Variants in MORC1 observed in about 807,000 individuals in gnomAD.
The protein encoded by MORC1 is MORC family CW-type zinc finger 1, also known as MORC family CW-type zinc finger protein 1.
A neutral mutation model predicts 134.9 loss-of-function variants in MORC1; 59 were observed. The ratio of observed to expected loss-of-function variants is 0.44; its 90% confidence interval spans 0.35 to 0.54. The LOEUF (loss-of-function observed/expected upper bound fraction) is 0.54. Ranked by LOEUF, MORC1 falls within the 20% of genes least tolerant of loss-of-function variation. The probability of loss-of-function intolerance (pLI) is 0.00; values close to 1 mark genes in which losing one functional copy is unlikely to be tolerated. For synonymous variants in MORC1, 395 were observed against 391.7 expected (o/e 1.01, Z -0.10); for missense variants, 947 against 1,134.5 (o/e 0.83, Z 2.37).
At chr3:109,097,620 C>T (rs1234037749) in intron 6 of MORC1, among the ~76,000 whole-genome samples, 2 of 152,116 alleles carry the variant, frequency 1.3e-5, no homozygotes, top group African/African-American at 4.8e-5. Context: ...CAGGAGAAAG[C>T]CCTGAGCAGA....
intron 23 of MORC1, among the ~76,000 whole-genome samples, chr3:108,981,897 T>C (rs1312649087): frequency 1.3e-5 from 2 of 152,096 alleles, no homozygotes; most frequent in Middle Eastern, 3.2e-3. Flanking sequence ...AAATCCAAAA[T>C]AGACAAGTGG....
intron 14 of MORC1, among the ~76,000 whole-genome samples, chr3:109,047,012 A>G (rs979022724): frequency 2.6e-5 from 4 of 152,040 alleles, no homozygotes; most frequent in African/African-American, 7.2e-5. Flanking sequence ...ATTCCTTACC[A>G]TTGTGTTTAA....
At chr3:109,062,742 G>A (rs971029341) in intron 10 of MORC1, among the ~76,000 whole-genome samples, 1 of 151,966 alleles carries the variant, frequency 6.6e-6, no homozygotes, top group African/African-American at 2.4e-5. Flanking sequence ...ATGACAAGCA[G>A]GGTTTCTTAG....
chr3:109,090,640 A>C (rs1278571827), intron 8 of MORC1, among the ~76,000 whole-genome samples: 3 of 151,470 alleles, frequency 2.0e-5, no homozygotes, highest in Admixed American at 6.6e-5. Flanking sequence ...AAAAAAAAAA[A>C]AACACGATGT....
chr3:109,096,870 T>A (rs889237306), intron 6 of MORC1, among the ~76,000 whole-genome samples: 1 of 150,972 alleles, frequency 6.6e-6, no homozygotes, highest in Non-Finnish European at 1.5e-5. Context: ...TTAGAACAAC[T>A]CCCAGAAAAT....
chr3:109,016,505 A>T (rs1171701771), intron 17 of MORC1, among the ~76,000 whole-genome samples: 1 of 152,092 alleles, frequency 6.6e-6, no homozygotes, highest in Non-Finnish European at 1.5e-5. Flanking sequence ...TCCTGCCCTA[A>T]CTTAAACCCT....
intron 3 of MORC1, chr3:109,110,141 CAT>C (rs1476860268): frequency 6.6e-6 from 1 of 152,282 alleles, no homozygotes; most frequent in African/African-American, 2.4e-5. Flanking sequence ...GATCATGGAG[CAT>C]ATCCTCTCAC....
At chr3:109,110,607 A>G in intron 3 of MORC1, 142 bp downstream of exon 3, 1 of 681,314 alleles carries the variant, frequency 1.5e-6, no homozygotes, top group Non-Finnish European at 2.4e-6. Flanking sequence ...CTGGCTCCCC[A>G]CAGGGTCACT....
At chr3:109,059,948 C>T in intron 11 of MORC1, 78 bp from the exon 12 acceptor site, 1 of 1,218,426 alleles carries the variant, frequency 8.2e-7, no homozygotes, top group East Asian at 2.4e-5. Flanking sequence ...TCCTATTATC[C>T]AAATGTTTCA....
At chr3:108,978,610 G>A (rs1318837474) in intron 24 of MORC1, among the ~76,000 whole-genome samples, 1 of 152,088 alleles carries the variant, frequency 6.6e-6, no homozygotes, top group East Asian at 1.9e-4. Flanking sequence ...CCACAGCCTG[G>A]GCCTTAGTAG....
chr3:109,071,324 C>T (rs893027541), intron 8 of MORC1, among the ~76,000 whole-genome samples: 4 of 151,938 alleles, frequency 2.6e-5, no homozygotes, highest in Non-Finnish European at 4.4e-5. Context: ...CATATATATA[C>T]ACACACACAT....
At chr3:108,963,753 C>A (rs1190144754) in intron 26 of MORC1, 145 bp from the exon 27 acceptor site, 9 of 576,510 alleles carry the variant, frequency 1.6e-5, no homozygotes, top group East Asian at 9.1e-5. Context: ...AATATTGATA[C>A]CCTTAAGGAA....
At chr3:108,997,459 G>A (rs1447334210) in intron 21 of MORC1, among the ~76,000 whole-genome samples, 1 of 152,088 alleles carries the variant, frequency 6.6e-6, no homozygotes, top group Non-Finnish European at 1.5e-5. Flanking sequence ...AGTGAGTGGA[G>A]ATTGTGCCAC....
At chr3:109,049,040 G>T (rs1209304076) in intron 14 of MORC1, 3 of 655,414 alleles carry the variant, frequency 4.6e-6, no homozygotes, top group East Asian at 1.4e-4. Context: ...TTCAAAAACT[G>T]AATTAAAAAG....
At chr3:109,043,010 G>A (rs1020311775) in intron 14 of MORC1, among the ~76,000 whole-genome samples, 4 of 151,974 alleles carry the variant, frequency 2.6e-5, no homozygotes, top group Non-Finnish European at 4.4e-5. Context: ...GTACATCATT[G>A]TGACTATAAT....
chr3:109,014,604 G>A (rs981897370), intron 17 of MORC1, among the ~76,000 whole-genome samples: 2 of 152,186 alleles, frequency 1.3e-5, no homozygotes, highest in South Asian at 4.1e-4. Context: ...CACAATGTAT[G>A]ATTCTCTTAA....
At chr3:109,005,959 C>A (rs1948529869) in intron 18 of MORC1, among the ~76,000 whole-genome samples, 1 of 152,110 alleles carries the variant, frequency 6.6e-6, no homozygotes, top group South Asian at 2.1e-4. Flanking sequence ...CATAAACCAC[C>A]AACATTTTGT....
chr3:108,981,496 AAAG>A lies in MORC1; in HGVS notation c.2325-1832_2325-1830del, dbSNP rs376297441. ...ACCTTCTTTATGCTGACACTTCATTAAAGAAGTCTTTTTCTTTAACCATTTTAG... is the reference window on the plus strand; with the variant it reads ...ACCTTCTTTATGCTGACACTTCATTAAAGTCTTTTTCTTTAACCATTTTAG... On this transcript the variant is annotated intron_variant, in intron 23 of 27. Transcript: ENST00000232603. 4.6e-3 allele frequency among the ~76,000 whole-genome samples: 708 copies of A among 152,322 alleles called. 14 individuals are homozygous for A. Among genetic ancestry groups the A allele is most frequent in the African/African-American group, 0.016 (681 of 41,568 alleles).
intron 23 of MORC1, among the ~76,000 whole-genome samples, chr3:108,983,748 A>G (rs937928235): frequency 6.6e-6 from 1 of 152,212 alleles, no homozygotes; most frequent in African/African-American, 2.4e-5. Flanking sequence ...GAGGAGAGTC[A>G]AGGAGACCCT....
Sources: gnomAD v4.1 joint callset for allele counts (sites outside exome capture counted in the v4.1 genomes callset) on GRCh38, gnomAD v4.1.1 for gene constraint, MANE v1.5 for transcripts, NCBI Gene and HGNC (gene_info 2026-07-23, HGNC 2026-07-21) for gene names.